Variants in TUBB3 observed in about 807,000 individuals in gnomAD.
TUBB3 encodes tubulin beta 3 class III.
In TUBB3, 17 loss-of-function variants were observed where a neutral mutation model predicts 37.8. That is an observed-to-expected ratio of 0.45 (90% CI 0.31 to 0.67). The LOEUF (loss-of-function observed/expected upper bound fraction) is 0.67, where lower values mean the gene tolerates loss of function less well. TUBB3 is among the 30% of genes least tolerant of loss of function. The pLI is 0.07. For synonymous variants in TUBB3, 332 were observed against 278.9 expected, an observed-to-expected ratio of 1.19 and a Z score of -1.90; for missense variants, 262 against 657.9, an observed-to-expected ratio of 0.40 and a Z score of 6.58.
At chr16:89,927,331 G>A (rs2030122527) in intron 1 of TUBB3, among the ~76,000 whole-genome samples, 1 of 151,776 alleles carries the variant, frequency 6.6e-6, no homozygotes, top group Non-Finnish European at 1.5e-5. Context: ...GTTAAAGTGA[G>A]CTGAGGTCAT....
chr16:89,923,245 C>A, upstream of TUBB3: 1 of 374,394 alleles, frequency 2.7e-6, no homozygotes, highest in Non-Finnish European at 4.3e-6. Flanking sequence ...GGGCGGGGCT[C>A]TGCGGCGGCG....
chr16:89,930,958 G>A (rs1016881912), intron 1 of TUBB3, among the ~76,000 whole-genome samples: 1 of 151,974 alleles, frequency 6.6e-6, no homozygotes. Context: ...CTCCCGAGTA[G>A]CTGGGACTAC....
At chr16:89,926,936 C>G (rs2030110118) in intron 1 of TUBB3, among the ~76,000 whole-genome samples, 1 of 151,408 alleles carries the variant, frequency 6.6e-6, no homozygotes, top group Admixed American at 6.6e-5. Context: ...AGGCTGGTCT[C>G]AAACTCCTGA....
At chr16:89,927,477 T>C (rs2030127839) in intron 1 of TUBB3, among the ~76,000 whole-genome samples, 1 of 152,220 alleles carries the variant, frequency 6.6e-6, no homozygotes, top group Non-Finnish European at 1.5e-5. Flanking sequence ...ATTCTCCTGG[T>C]TAAAAAAAAC....
chr16:89,932,788 C>G, intron 2 of TUBB3, 109 bp downstream of exon 2: 1 of 894,562 alleles, frequency 1.1e-6, no homozygotes, highest in Non-Finnish European at 1.8e-6. Context: ...CATCTCTGTC[C>G]TCCCATGGGT....
At position 89,923,368 on chromosome 16, in the gene TUBB3, G is replaced by C. The variant is rs747127027; in HGVS notation, c.-34G>C. 1.2e-5 allele frequency: 17 copies of C among 1,446,288 alleles called. No homozygotes were observed. In the Admixed American group the frequency reaches 2.4e-4, roughly 21 times the overall value. The allele number at this position is 1,446,288 out of a possible 1,614,324, so 89.6% of individuals were successfully genotyped here. ...TCAGCAGCCAGCCCGGCCCGCCCGC[G>C]CCCGTCCGCAGCCGCCCGCCAGACG... On this transcript the variant is annotated 5_prime_UTR_variant, in exon 1 of 4. Transcript: ENST00000315491.
Position 89,934,849 on chromosome 16 carries a change from T to A in TUBB3, c.398T>A (p.Phe133Tyr). Reference sequence around the variant, plus strand: ...GAAAACTGCGACTGCCTGCAGGGCTTCCAGCTGACCCACTCGCTGGGGGGC... The same window carrying A: ...GAAAACTGCGACTGCCTGCAGGGCTACCAGCTGACCCACTCGCTGGGGGGC... ...ECENCDCLQG[F>Y]QLTHSLGGGT... Residue 133 changes from phenylalanine to tyrosine, a missense_variant, in exon 4 of 4, where the codon TTC (phenylalanine) becomes TAC (tyrosine). Phe to Tyr is a conservative substitution (Grantham distance 22, BLOSUM62 3). This residue lies in a region of TUBB3 where 165 missense variants were observed against 556.8 expected (regional missense o/e 0.30). Coordinates refer to ENST00000315491, the MANE Select transcript of TUBB3 (RefSeq NM_006086.4). 1 of 1,614,120 alleles carries A rather than the reference T, an allele frequency of 6.2e-7. No individual in the cohort carries two copies. Among genetic ancestry groups the A allele is most frequent in the Non-Finnish European group, 8.5e-7 (1 of 1,180,006 alleles).
rs777262923 is a variant in TUBB3, at chr16:89,935,834, TGGC to T, written c.*34_*36del. ...GCTCGCAGCTGGAGTGAGAGGCAGGTGGCGGCCGGGGCCGAAGCCAGCAGTGTC... is the reference window on the plus strand; with the variant it reads ...GCTCGCAGCTGGAGTGAGAGGCAGGTGGCCGGGGCCGAAGCCAGCAGTGTC... On this transcript the variant is annotated 3_prime_UTR_variant, in exon 4 of 4. Coordinates refer to ENST00000315491, the MANE Select transcript of TUBB3 (RefSeq NM_006086.4). 3.1e-5 allele frequency: 50 copies of T among 1,602,478 alleles called. No homozygotes were observed. The highest frequency in any genetic ancestry group is 4.1e-5 in the Non-Finnish European group (48 of 1,173,876).
intron 1 of TUBB3, among the ~76,000 whole-genome samples, chr16:89,930,880 T>C (rs1444626886): frequency 6.6e-6 from 1 of 150,480 alleles, no homozygotes; most frequent in Non-Finnish European, 1.5e-5. Context: ...CAGGCTGGAG[T>C]GCAATGGCAT....
At chr16:89,925,897 G>A (rs976939309) in intron 1 of TUBB3, among the ~76,000 whole-genome samples, 4 of 152,220 alleles carry the variant, frequency 2.6e-5, no homozygotes, top group Non-Finnish European at 5.9e-5. Context: ...CGGTCACGCG[G>A]CAGCGCGGAC....
chr16:89,923,481 G>C, intron 1 of TUBB3, 23 bp downstream of exon 1: 1 of 1,435,364 alleles, frequency 7.0e-7, no homozygotes, highest in South Asian at 1.4e-5. Flanking sequence ...GCCCCGGCCT[G>C]TCCCGGGCCC....
Position 89,932,568 on chromosome 16 carries a change from C to T in TUBB3, c.58-3C>T, listed in dbSNP as rs190261176. On this transcript the variant is annotated splice_polypyrimidine_tract_variant and splice_region_variant and intron_variant, in intron 1 of 3. Coordinates refer to ENST00000315491, the MANE Select transcript of TUBB3 (RefSeq NM_006086.4). Reference sequence around the variant, plus strand: ...GACCCCCCCTCTCCCACTTTGTTTGCAGTTCTGGGAAGTCATCAGTGATGA... The same window carrying T: ...GACCCCCCCTCTCCCACTTTGTTTGTAGTTCTGGGAAGTCATCAGTGATGA... The T allele has an allele frequency of 6.2e-7, 1 of 1,613,566 alleles. No individual in the cohort carries two copies. Among genetic ancestry groups the T allele is most frequent in the Non-Finnish European group, 8.5e-7 (1 of 1,179,580 alleles).
rs780119681 is a variant in TUBB3, at chr16:89,923,366, G to C, written c.-36G>C. The C allele has an allele frequency of 6.9e-7, 1 of 1,444,162 alleles. No individual in the cohort carries two copies. The highest frequency in any genetic ancestry group is 9.1e-7 in the Non-Finnish European group (1 of 1,093,648). The allele number at this position is 1,444,162 out of a possible 1,614,324, so 89.5% of individuals were successfully genotyped here. A position where few individuals can be genotyped will look rare whatever the true frequency, so the allele number is the denominator to read the frequency against. On this transcript the variant is annotated 5_prime_UTR_variant, in exon 1 of 4. Coordinates refer to ENST00000315491, the MANE Select transcript of TUBB3 (RefSeq NM_006086.4). ...CCTCAGCAGCCAGCCCGGCCCGCCC[G>C]CGCCCGTCCGCAGCCGCCCGCCAGA...
Position 89,929,335 on chromosome 16 carries a change from A to G in TUBB3, c.58-3236A>G, listed in dbSNP as rs541744245. Among the ~76,000 whole-genome samples, 6 of 152,300 alleles carry G rather than the reference A, an allele frequency of 3.9e-5. No individual in the cohort carries two copies. In the South Asian group the frequency reaches 6.2e-4, roughly 16 times the overall value. ...TAGCAATAACAAAAATGCACAAAAG[A>G]TGGAAAGAAATCCACCCCTGACCTT... On this transcript the variant is annotated intron_variant, in intron 1 of 3. Transcript: ENST00000315491.
chr16:89,924,298 C>T (rs1002897612), intron 1 of TUBB3, among the ~76,000 whole-genome samples: 3 of 152,242 alleles, frequency 2.0e-5, no homozygotes, highest in African/African-American at 7.2e-5. Context: ...GTCCCCTGGT[C>T]CTGGGAGGCT....
chr16:89,923,328 C>A, upstream of TUBB3: 1 of 1,280,726 alleles, frequency 7.8e-7, no homozygotes, highest in Non-Finnish European at 1.0e-6. Flanking sequence ...AGCGCGCGGC[C>A]GCGGTCCCCG....
intron 3 of TUBB3, chr16:89,933,922 T>C (rs577186768): frequency 5.4e-5 from 34 of 627,786 alleles, no homozygotes; most frequent in African/African-American, 3.5e-4. Context: ...GACGTTCCCA[T>C]GCCTGTGTCC....
At position 89,923,442 on chromosome 16, in the gene TUBB3, A is replaced by T; in HGVS notation, c.41A>T (p.Asn14Ile). The change falls in exon 1 of 4, where the codon AAC becomes ATC. Residue 14 changes from asparagine (N) to isoleucine (I), a missense_variant. Around this residue, in one of 3 missense-constraint regions of TUBB3, gnomAD observed 58 missense variants for 74.2 expected, o/e 0.78. Coordinates refer to ENST00000315491, the MANE Select transcript of TUBB3 (RefSeq NM_006086.4). ...CACATCCAGGCCGGCCAGTGCGGCA[A>T]CCAGATCGGGGCCAAGGTGAGGCTG... Reference protein sequence around the residue: ...IVHIQAGQCGNQIGAKFWEVI... With the variant: ...IVHIQAGQCGIQIGAKFWEVI... The T allele has an allele frequency of 6.6e-7, 1 of 1,513,732 alleles. No individual in the cohort carries two copies. The highest frequency in any genetic ancestry group is 8.8e-7 in the Non-Finnish European group (1 of 1,130,708). The allele number at this position is 1,513,732 out of a possible 1,614,324, so 93.8% of individuals were successfully genotyped here.
intron 2 of TUBB3, chr16:89,932,954 A>G (rs1178335175): frequency 1.9e-6 from 1 of 537,290 alleles, no homozygotes; most frequent in Non-Finnish European, 3.4e-6. Flanking sequence ...GGGGCAGGCC[A>G]GAGACTTTGG....
Sources: allele counts gnomAD v4.1 joint callset (sites outside exome capture counted in the v4.1 genomes callset), GRCh38; gene constraint gnomAD v4.1.1; regional missense constraint gnomAD v4.1.1; transcripts MANE v1.5; gene names NCBI Gene and HGNC (gene_info 2026-07-23, HGNC 2026-07-21).